The following TMEM74 variants were observed in gnomAD, a reference collection of about 807,000 sequenced individuals.
The protein encoded by TMEM74 is transmembrane protein 74.
A neutral mutation model predicts 18.1 loss-of-function variants in TMEM74; 13 were observed. The observed-to-expected ratio is 0.72, with a 90% CI of 0.47 to 1.14. TMEM74 has a LOEUF of 1.14. TMEM74 is among the 50% of genes most tolerant of loss of function. The probability of loss-of-function intolerance (pLI) is 0.00; values close to 1 mark genes in which losing one functional copy is unlikely to be tolerated. For synonymous variants in TMEM74, 159 were observed against 146.6 expected (o/e 1.08, Z -0.61); for missense variants, 372 against 375.9 (o/e 0.99, Z 0.09).
chr8:108,661,652 T>C (rs1019112551), intron 1 of TMEM74, among the ~76,000 whole-genome samples: 5 of 152,096 alleles, frequency 3.3e-5, no homozygotes, highest in African/African-American at 1.2e-4. Flanking sequence ...TTAAACCCTA[T>C]TAACAATTCC....
intron 1 of TMEM74, among the ~76,000 whole-genome samples, chr8:108,708,501 C>G (rs992254279): frequency 1.3e-5 from 2 of 152,132 alleles, no homozygotes; most frequent in East Asian, 3.9e-4. Flanking sequence ...TACTACCACC[C>G]TTTTCTCCGC....
chr8:108,616,110 G>T (rs1812380994), intron 2 of TMEM74, among the ~76,000 whole-genome samples: 2 of 152,052 alleles, frequency 1.3e-5, no homozygotes, highest in Admixed American at 6.6e-5. Flanking sequence ...TTTGAAAGTA[G>T]ACATGATCTT....
intron 1 of TMEM74, among the ~76,000 whole-genome samples, chr8:108,681,580 C>G (rs920350602): frequency 2.0e-5 from 3 of 152,118 alleles, no homozygotes; most frequent in Non-Finnish European, 4.4e-5. Context: ...CTCCTATAGA[C>G]CATATAAGCT....
At chr8:108,651,660 T>C (rs2130571800) in intron 2 of TMEM74, among the ~76,000 whole-genome samples, 1 of 152,068 alleles carries the variant, frequency 6.6e-6, no homozygotes, top group Admixed American at 6.6e-5. Flanking sequence ...CTTTGAGGTG[T>C]GTGTGTGTAT....
intron 1 of TMEM74, among the ~76,000 whole-genome samples, chr8:108,683,456 G>A (rs1019520285): frequency 1.3e-5 from 2 of 151,648 alleles, no homozygotes; most frequent in African/African-American, 4.8e-5. Context: ...TTCTAGAAGT[G>A]TAAGAATGAT....
intron 1 of TMEM74, among the ~76,000 whole-genome samples, chr8:108,760,920 C>A (rs899810694): frequency 1.3e-5 from 2 of 151,756 alleles, no homozygotes; most frequent in African/African-American, 4.8e-5. Flanking sequence ...AAAAGGGCCT[C>A]CTCTAATTGC....
intron 2 of TMEM74, among the ~76,000 whole-genome samples, chr8:108,614,657 T>TA: frequency 6.6e-6 from 1 of 152,098 alleles, no homozygotes; most frequent in Admixed American, 6.6e-5. Context: ...TGTGTAGCTG[T>TA]GGGGGGTTTT....
At chr8:108,760,415 G>T (rs77117068) in intron 1 of TMEM74, among the ~76,000 whole-genome samples, 2,708 of 152,158 alleles carry the variant, frequency 0.018, 88 homozygotes, top group African/African-American at 0.061. Context: ...GCACAGAAAC[G>T]ATCTGAAGAG....
intron 1 of TMEM74, among the ~76,000 whole-genome samples, chr8:108,736,879 C>T (rs908995022): frequency 6.6e-6 from 1 of 152,056 alleles, no homozygotes; most frequent in Non-Finnish European, 1.5e-5. Context: ...TCATTACAAA[C>T]AGGGACATAG....
At chr8:108,657,030 G>T (rs910043398) in intron 1 of TMEM74, among the ~76,000 whole-genome samples, 8 of 152,046 alleles carry the variant, frequency 5.3e-5, no homozygotes, top group South Asian at 2.1e-4. Flanking sequence ...TCTCTATTAT[G>T]TAATAGTCAT....
chr8:108,621,869 A>C (rs958049462), intron 2 of TMEM74, among the ~76,000 whole-genome samples: 2 of 152,152 alleles, frequency 1.3e-5, no homozygotes, highest in Non-Finnish European at 2.9e-5. Flanking sequence ...AATACGCACA[A>C]AGCATTTACA....
intron 2 of TMEM74, among the ~76,000 whole-genome samples, chr8:108,635,996 A>C (rs1418499793): frequency 6.6e-6 from 1 of 152,080 alleles, no homozygotes; most frequent in Non-Finnish European, 1.5e-5. Flanking sequence ...GCAGCCCTTT[A>C]AAATCTATGG....
chr8:108,748,734 C>T lies in TMEM74; in HGVS notation n.119+38742G>A, dbSNP rs528217765. On this transcript the variant is annotated intron_variant and non_coding_transcript_variant, in intron 1 of 3. Transcript: ENST00000518838. Reference sequence around the variant, plus strand: ...TCTTTTTATATAGTTTTGGGTTTTACGTTTAAGTCTTTAATCCATCTTGAG... The same window carrying T: ...TCTTTTTATATAGTTTTGGGTTTTATGTTTAAGTCTTTAATCCATCTTGAG... 4.7e-5 allele frequency among the ~76,000 whole-genome samples: 7 copies of T among 147,766 alleles called. No homozygotes were observed. In the East Asian group the frequency reaches 8.0e-4, roughly 17 times the overall value.
At chr8:108,647,762 T>C (rs1015219335) in intron 2 of TMEM74, among the ~76,000 whole-genome samples, 1 of 152,098 alleles carries the variant, frequency 6.6e-6, no homozygotes, top group Non-Finnish European at 1.5e-5. Flanking sequence ...AAGAAGCTTA[T>C]GGTCTAGGAT....
Position 108,639,277 on chromosome 8 carries a change from G to A in TMEM74, n.264+16016C>T, listed in dbSNP as rs115772702. 6.4e-3 allele frequency among the ~76,000 whole-genome samples: 981 copies of A among 152,250 alleles called. 13 individuals are homozygous for A. Among genetic ancestry groups the A allele is most frequent in the African/African-American group, 0.021 (879 of 41,554 alleles). ...ACTATTATTTTCAGTTTATATATGAGTAAACTGAATTTTAGAAGGATTAAG... is the reference window on the plus strand; with the variant it reads ...ACTATTATTTTCAGTTTATATATGAATAAACTGAATTTTAGAAGGATTAAG... On this transcript the variant is annotated intron_variant and non_coding_transcript_variant, in intron 2 of 3. Transcript: ENST00000518838.
intron 1 of TMEM74, among the ~76,000 whole-genome samples, chr8:108,671,321 C>T (rs969011263): frequency 1.3e-5 from 2 of 152,116 alleles, no homozygotes; most frequent in African/African-American, 2.4e-5. Flanking sequence ...GGCAAGACAA[C>T]AGGATTTTCA....
chr8:108,628,909 G>A (rs1404248048), intron 2 of TMEM74, among the ~76,000 whole-genome samples: 1 of 151,776 alleles, frequency 6.6e-6, no homozygotes, highest in Non-Finnish European at 1.5e-5. Flanking sequence ...TTTTTCATAT[G>A]TTTGTTGGCC....
chr8:108,685,351 A>G (rs1449620969), intron 1 of TMEM74, among the ~76,000 whole-genome samples: 1 of 152,088 alleles, frequency 6.6e-6, no homozygotes, highest in Admixed American at 6.6e-5. Context: ...AGAATATTTA[A>G]GTTTTTCTAT....
chr8:108,629,186 T>C (rs1243384737), intron 2 of TMEM74, among the ~76,000 whole-genome samples: 2 of 151,890 alleles, frequency 1.3e-5, no homozygotes, highest in African/African-American at 4.8e-5. Context: ...TCATAAAGCA[T>C]ACACAAGTAT....
Sources: allele counts gnomAD v4.1 joint callset (sites outside exome capture counted in the v4.1 genomes callset), GRCh38; gene constraint gnomAD v4.1.1; transcripts MANE v1.5; gene names NCBI Gene and HGNC (gene_info 2026-07-23, HGNC 2026-07-21).